Variants in GRIK3 observed in about 807,000 individuals in gnomAD.
The protein encoded by GRIK3 is glutamate ionotropic receptor kainate type subunit 3, also known as glutamate receptor ionotropic, kainate 3.
GRIK3 carries 29 observed loss-of-function variants against 102.5 expected under a neutral mutation model. The ratio of observed to expected loss-of-function variants is 0.28; its 90% confidence interval spans 0.21 to 0.39. The LOEUF (loss-of-function observed/expected upper bound fraction) is 0.39, where lower values mean the gene tolerates loss of function less well. Ranked by LOEUF, GRIK3 falls within the 10% of genes least tolerant of loss-of-function variation. The probability of loss-of-function intolerance (pLI) is 1.00; values close to 1 mark genes in which losing one functional copy is unlikely to be tolerated. For missense variants in GRIK3, 908 were observed against 1,252.4 expected (o/e 0.73, Z 4.15); for synonymous variants, 511 against 504.9 (o/e 1.01, Z -0.16).
intron 10 of GRIK3, among the ~76,000 whole-genome samples, chr1:36,829,392 G>C (rs562677435): frequency 3.1e-4 from 47 of 151,860 alleles, no homozygotes; most frequent in South Asian, 6.2e-4. Context: ...CCAACCCCAT[G>C]GTTTTTATTG....
intron 9 of GRIK3, among the ~76,000 whole-genome samples, chr1:36,842,853 T>A (rs1016596259): frequency 6.6e-6 from 1 of 152,138 alleles, no homozygotes; most frequent in Non-Finnish European, 1.5e-5. Context: ...TGAGAGAAGA[T>A]CTGAATTCAG....
At chr1:36,991,774 G>C (rs1485646416) in intron 1 of GRIK3, among the ~76,000 whole-genome samples, 2 of 152,230 alleles carry the variant, frequency 1.3e-5, no homozygotes, top group African/African-American at 2.4e-5. Flanking sequence ...AGGGAACAAA[G>C]AGTGATTGTA....
intron 1 of GRIK3, among the ~76,000 whole-genome samples, chr1:36,923,390 C>G (rs518463): frequency 0.88 from 134,211 of 152,272 alleles, 59,273 homozygotes; most frequent in East Asian, 0.99. Context: ...AGGGAAGAGA[C>G]ACCCAAGGGG....
At chr1:36,898,277 A>G (rs1641195052) in intron 1 of GRIK3, among the ~76,000 whole-genome samples, 1 of 152,166 alleles carries the variant, frequency 6.6e-6, no homozygotes, top group Non-Finnish European at 1.5e-5. Flanking sequence ...AAACTAAAAT[A>G]GTGTAATTGG....
intron 1 of GRIK3, among the ~76,000 whole-genome samples, chr1:36,967,714 G>A (rs140762529): frequency 6.6e-6 from 1 of 152,300 alleles, no homozygotes; most frequent in East Asian, 1.9e-4. Flanking sequence ...ATGCACTTGG[G>A]TGCCAGACAC....
In GRIK3 at chr1:37,030,234, C is replaced by G. The variant is rs370686824; in HGVS notation, c.115+3760G>C. On this transcript the variant is annotated intron_variant, in intron 1 of 15. Coordinates refer to ENST00000373091, the MANE Select transcript of GRIK3 (RefSeq NM_000831.4). ...ATCTTCATTCAGCTGCTGTCTGCTCCTACAAGGCAGCGATGTTTCAGCGCA... is the reference window on the plus strand; with the variant it reads ...ATCTTCATTCAGCTGCTGTCTGCTCGTACAAGGCAGCGATGTTTCAGCGCA... 6.8e-4 allele frequency among the ~76,000 whole-genome samples: 104 copies of G among 152,310 alleles called. 3 individuals carry two copies. In the South Asian group the frequency reaches 0.02, roughly 30 times the overall value.
intron 13 of GRIK3, among the ~76,000 whole-genome samples, chr1:36,814,959 ACAC>A (rs1642608842): frequency 6.6e-6 from 1 of 152,150 alleles, no homozygotes; most frequent in Non-Finnish European, 1.5e-5. Context: ...AAGCACAAAT[ACAC>A]ACATGTCCCC....
At chr1:36,815,762 CT>C (rs1465297266) in intron 13 of GRIK3, among the ~76,000 whole-genome samples, 1 of 151,876 alleles carries the variant, frequency 6.6e-6, no homozygotes, top group Admixed American at 6.6e-5. Context: ...TTCTTTCTTT[CT>C]TTTTTTTATT....
chr1:36,899,224 T>C (rs185617936), intron 1 of GRIK3, among the ~76,000 whole-genome samples: 176 of 152,244 alleles, frequency 1.2e-3, no homozygotes, highest in Non-Finnish European at 1.9e-3. Flanking sequence ...AAAGACACTA[T>C]TAACAGAGTA....
In GRIK3 at chr1:36,998,400, G is replaced by A. The variant is rs116617429; in HGVS notation, c.115+35594C>T. The stretch of plus-strand genomic sequence containing the variant: ...CTTGTAACTTAGCATTGCCTTCCCA[G>A]TAAGACTGTGGACTCCACAAGAGAC... On this transcript the variant is annotated intron_variant, in intron 1 of 15. Transcript: ENST00000373091. 2.7e-3 allele frequency among the ~76,000 whole-genome samples: 416 copies of A among 152,276 alleles called. 3 individuals are homozygous for A. The highest frequency in any genetic ancestry group is 9.5e-3 in the African/African-American group (396 of 41,554).
chr1:36,941,913 C>T (rs1174164723), intron 1 of GRIK3, among the ~76,000 whole-genome samples: 1 of 152,196 alleles, frequency 6.6e-6, no homozygotes, highest in Non-Finnish European at 1.5e-5. Flanking sequence ...GACTAGGTAG[C>T]CTATCCCCCC....
Position 36,806,012 on chromosome 1 carries a change from A to C in GRIK3, c.2314+92T>G. 1.4e-6 allele frequency: 1 copy of C among 709,956 alleles called. No homozygotes were observed. Among genetic ancestry groups the C allele is most frequent in the Non-Finnish European group, 2.4e-6 (1 of 410,886 alleles). The allele number at this position is 709,956 out of a possible 1,614,324, so 44.0% of individuals were successfully genotyped here. On this transcript the variant is annotated intron_variant, in intron 14 of 15. Transcript: ENST00000373091. The surrounding 1 kb of genome is among the most constrained non-coding windows in gnomAD (Gnocchi z 4.0). Reference sequence around the variant, plus strand: ...ACGTCACCTTTATCAGCCCCATGGAATGAGCTGTGAGACGGAGTGTGAGGG... The same window carrying C: ...ACGTCACCTTTATCAGCCCCATGGACTGAGCTGTGAGACGGAGTGTGAGGG...
At chr1:36,908,367 C>A (rs1309850252) in intron 1 of GRIK3, among the ~76,000 whole-genome samples, 1 of 152,184 alleles carries the variant, frequency 6.6e-6, no homozygotes, top group Non-Finnish European at 1.5e-5. Flanking sequence ...GGCCAAGGTT[C>A]TCCACTACCC....
rs552650396 is a variant in GRIK3 at position 36,864,978 on chromosome 1, G to A, written c.786+4770C>T. Among the ~76,000 whole-genome samples, 23 of 152,114 alleles carry A rather than the reference G, an allele frequency of 1.5e-4. No individual in the cohort carries two copies. The East Asian group carries it at 4.3e-3, about 28-fold the overall frequency. On this transcript the variant is annotated intron_variant, in intron 5 of 15. Coordinates refer to ENST00000373091, the MANE Select transcript of GRIK3 (RefSeq NM_000831.4). ...ATGTTGACACACTGAATTCAGTATC[G>A]ACGAGGGACCTTTTAGAAACATTCA...
At chr1:36,835,742 C>T (rs1640369614) in intron 10 of GRIK3, among the ~76,000 whole-genome samples, 1 of 152,200 alleles carries the variant, frequency 6.6e-6, no homozygotes, top group Non-Finnish European at 1.5e-5. Context: ...CGGTTTCCCC[C>T]AATACTCCCT....
chr1:36,899,312 A>G (rs1343680163), intron 1 of GRIK3, among the ~76,000 whole-genome samples: 1 of 152,232 alleles, frequency 6.6e-6, no homozygotes, highest in African/African-American at 2.4e-5. Context: ...AACATATTCC[A>G]GAACAATTAA....
chr1:37,032,674 C>T (rs1642840973), intron 1 of GRIK3, among the ~76,000 whole-genome samples: 1 of 152,210 alleles, frequency 6.6e-6, no homozygotes. Flanking sequence ...GCCTCCGGTG[C>T]TGGTGTTTGC....
chr1:36,932,453 C>A (rs1641606741), intron 1 of GRIK3, among the ~76,000 whole-genome samples: 1 of 152,152 alleles, frequency 6.6e-6, no homozygotes, highest in African/African-American at 2.4e-5. Context: ...CTTCCAAGGT[C>A]ATCCTTCGTT....
At chr1:36,949,317 C>G (rs1330372985) in intron 1 of GRIK3, among the ~76,000 whole-genome samples, 17 of 152,136 alleles carry the variant, frequency 1.1e-4, no homozygotes, top group Non-Finnish European at 1.5e-5. Context: ...CCTCCAGTCC[C>G]CCTACTGAAG....
Sources: allele counts gnomAD v4.1 joint callset (sites outside exome capture counted in the v4.1 genomes callset), GRCh38; gene constraint gnomAD v4.1.1; non-coding constraint Gnocchi (gnomAD v3.1); transcripts MANE v1.5; gene names NCBI Gene and HGNC (gene_info 2026-07-23, HGNC 2026-07-21).